Variants in PPP2R5C observed in about 807,000 individuals in gnomAD.
PPP2R5C encodes protein phosphatase 2 regulatory subunit B'gamma.
Under a neutral mutation model 68.9 loss-of-function variants are expected in PPP2R5C, and 7 were observed. That is an observed-to-expected ratio of 0.10 (90% CI 0.06 to 0.19). PPP2R5C has a LOEUF of 0.19. Among genes scored for constraint, PPP2R5C ranks in the 10% least tolerant of loss-of-function variants. The pLI, the probability that PPP2R5C is intolerant of heterozygous loss-of-function variation, is 1.00. For missense variants in PPP2R5C, 348 were observed against 641.3 expected (o/e 0.54, Z 4.94); for synonymous variants, 210 against 222.2 (o/e 0.95, Z 0.49).
At chr14:101,786,214 T>C in intron 3 of PPP2R5C, 31 bp downstream of exon 3, 1 of 1,497,856 alleles carries the variant, frequency 6.7e-7, no homozygotes, top group Non-Finnish European at 8.9e-7. Flanking sequence ...AAAAGTTAAA[T>C]TGTGGCTGTT....
chr14:101,761,934 C>T lies in PPP2R5C; in HGVS notation c.27+14C>T, dbSNP rs1425198716. The T allele has an allele frequency of 1.7e-6, 2 of 1,190,000 alleles. No individual in the cohort carries two copies. The highest frequency in any genetic ancestry group is 1.1e-6 in the Non-Finnish European group (1 of 951,818). The allele number at this position is 1,190,000 out of a possible 1,614,324, so 73.7% of individuals were successfully genotyped here. A position where few individuals can be genotyped will look rare whatever the true frequency, so the allele number is the denominator to read the frequency against. On this transcript the variant is annotated intron_variant, in intron 1 of 14. Transcript: ENST00000328724. ...AAGAAGGAGAAAGTGAGTCCGGGCC[C>T]GGCCGCGGGACGGAGGGAGCAGGGA...
At chr14:101,823,882 G>A in intron 1 of PPP2R5C, 1 of 1,258,438 alleles carries the variant, frequency 7.9e-7, no homozygotes, top group Non-Finnish European at 1.0e-6. Flanking sequence ...CTGAAACCAG[G>A]TTAGTTGATC....
At chr14:101,856,566 C>A in intron 1 of PPP2R5C, 120 bp from the exon 4 acceptor site, 1 of 917,948 alleles carries the variant, frequency 1.1e-6, no homozygotes, top group Non-Finnish European at 1.7e-6. Flanking sequence ...TTACCCCACC[C>A]ATCTCCTTTT....
chr14:101,875,703 C>T (rs1479204087), intron 2 of PPP2R5C, among the ~76,000 whole-genome samples: 1 of 152,212 alleles, frequency 6.6e-6, no homozygotes, highest in Non-Finnish European at 1.5e-5. Flanking sequence ...CCCTTTAAGA[C>T]TGCTACTACG....
In PPP2R5C at chr14:101,797,673, TA is replaced by T. The variant is rs571079089; in HGVS notation, c.259+11501del. 1,012 of 163,226 alleles carry T rather than the reference TA, an allele frequency of 6.2e-3. No homozygotes were observed. Among genetic ancestry groups the T allele is most frequent in the South Asian group, 0.019 (131 of 6,760 alleles). 10.1% of individuals were successfully genotyped at this position (163,226 alleles called of 1,614,324 possible). On this transcript the variant is annotated intron_variant, in intron 3 of 14. Transcript: ENST00000328724. The surrounding 1 kb of genome is among the most constrained non-coding windows in gnomAD (Gnocchi z 4.2). ...AAAGGGTGTCGGCAAGTTGGCAAGT[TA>T]AAAAAAAAAACAATCAGCATGAAAG...
chr14:101,870,838 T>G (rs1265653279), intron 2 of PPP2R5C, among the ~76,000 whole-genome samples: 1 of 152,208 alleles, frequency 6.6e-6, no homozygotes, highest in East Asian at 1.9e-4. Context: ...ATAAATATCT[T>G]CTTAGACTCG....
At chr14:101,911,146 C>T (rs1431722802) in intron 11 of PPP2R5C, among the ~76,000 whole-genome samples, 12 of 148,872 alleles carry the variant, frequency 8.1e-5, no homozygotes, top group Admixed American at 4.7e-4. Flanking sequence ...GGTGTGGTGG[C>T]GGGTGCCTGT....
intron 8 of PPP2R5C, among the ~76,000 whole-genome samples, chr14:101,898,533 G>A (rs1237959979): frequency 6.6e-6 from 1 of 152,236 alleles, no homozygotes; most frequent in African/African-American, 2.4e-5. Flanking sequence ...CTTTGCAAGA[G>A]TGAGAGCTGT....
chr14:101,786,146 C>T, exon 3 of PPP2R5C: 6 of 1,584,062 alleles, frequency 3.8e-6, no homozygotes, highest in South Asian at 1.2e-5. Flanking sequence ...TTAGCGCAAG[C>T]AATAATAGAG....
chr14:101,847,951 CGGCATGAGCCA>C (rs767155380), intron 1 of PPP2R5C, among the ~76,000 whole-genome samples: 7 of 152,070 alleles, frequency 4.6e-5, no homozygotes, highest in African/African-American at 9.7e-5. Flanking sequence ...CCACTGTGCC[CGGCATGAGCCA>C]GGCATGAGCC....
intron 1 of PPP2R5C, among the ~76,000 whole-genome samples, chr14:101,832,133 T>C (rs1414781533): frequency 6.6e-6 from 1 of 152,232 alleles, no homozygotes; most frequent in East Asian, 1.9e-4. Context: ...ATTTTCTTGC[T>C]CCTCATTCAG....
chr14:101,799,855 G>T (rs1167755332), intron 3 of PPP2R5C, among the ~76,000 whole-genome samples: 1 of 152,146 alleles, frequency 6.6e-6, no homozygotes, highest in Non-Finnish European at 1.5e-5. Flanking sequence ...CCTTGGTTCA[G>T]ACTTTCTTGG....
upstream of PPP2R5C, among the ~76,000 whole-genome samples, chr14:101,761,635 A>G (rs1037630053): frequency 4.3e-3 from 9 of 2,110 alleles, no homozygotes; most frequent in South Asian, 7.8e-3. Context: ...GGGGGGTGGG[A>G]GGAGAGGGGC....
In PPP2R5C at chr14:101,910,795, G is replaced by A. The variant is rs112789479; in HGVS notation, c.1253+1105G>A. Among the ~76,000 whole-genome samples, 115 of 139,042 alleles carry A rather than the reference G, an allele frequency of 8.3e-4. 1 individual carries two copies. Among genetic ancestry groups the A allele is most frequent in the African/African-American group, 3.0e-3 (108 of 36,590 alleles). The allele number at this position is 139,042 out of a possible 152,430, so 91.2% of individuals were successfully genotyped here. On this transcript the variant is annotated intron_variant, in intron 11 of 13. Transcript: ENST00000334743. ...ATCCTGGCTAACACAATGAAACCCCGTCTCTACTAAAAATACAAAAAAAAA... is the reference window on the plus strand; with the variant it reads ...ATCCTGGCTAACACAATGAAACCCCATCTCTACTAAAAATACAAAAAAAAA...
At chr14:101,886,789 T>C (rs1234486115) in intron 5 of PPP2R5C, among the ~76,000 whole-genome samples, 3 of 152,192 alleles carry the variant, frequency 2.0e-5, no homozygotes, top group African/African-American at 4.8e-5. Flanking sequence ...ACAGTGATGC[T>C]GTACTCCATA....
At chr14:101,861,276 G>T (rs1164727529) in intron 2 of PPP2R5C, among the ~76,000 whole-genome samples, 1 of 152,152 alleles carries the variant, frequency 6.6e-6, no homozygotes, top group Non-Finnish European at 1.5e-5. Context: ...GCCTACAGTA[G>T]ACCCCAAATT....
intron 1 of PPP2R5C, among the ~76,000 whole-genome samples, chr14:101,848,077 G>A (rs927017313): frequency 6.6e-6 from 1 of 152,120 alleles, no homozygotes; most frequent in African/African-American, 2.4e-5. Context: ...TTATCCATTT[G>A]CAAGCATAAT....
chr14:101,855,910 T>C (rs746479942), intron 1 of PPP2R5C, among the ~76,000 whole-genome samples: 1 of 152,252 alleles, frequency 6.6e-6, no homozygotes, highest in Non-Finnish European at 1.5e-5. Context: ...TGTCAATATG[T>C]GTAAAGTTTT....
chr14:101,813,773 A>G (rs1199013930), intron 1 of PPP2R5C, among the ~76,000 whole-genome samples: 4 of 152,250 alleles, frequency 2.6e-5, no homozygotes, highest in Non-Finnish European at 4.4e-5. Context: ...CTGTCCTTGA[A>G]AGACTCAGGA....
Sources: allele counts gnomAD v4.1 joint callset (sites outside exome capture counted in the v4.1 genomes callset), GRCh38; gene constraint gnomAD v4.1.1; non-coding constraint Gnocchi (gnomAD v3.1); transcripts MANE v1.5; gene names NCBI Gene and HGNC (gene_info 2026-07-23, HGNC 2026-07-21).